The following DOCK3 variants were observed in gnomAD, a reference collection of about 807,000 sequenced individuals.
DOCK3 encodes dedicator of cytokinesis protein 3.
A neutral mutation model predicts 265.6 loss-of-function variants in DOCK3; 60 were observed. The ratio of observed to expected loss-of-function variants is 0.23; its 90% CI spans 0.18 to 0.28. The LOEUF (loss-of-function observed/expected upper bound fraction) is 0.28, where lower values mean the gene tolerates loss of function less well. Ranked by LOEUF, DOCK3 falls within the 10% of genes least tolerant of loss-of-function variation. The probability of loss-of-function intolerance (pLI) is 1.00; values close to 1 mark genes in which losing one functional copy is unlikely to be tolerated. For synonymous variants in DOCK3, 881 were observed against 938.0 expected, an observed-to-expected ratio of 0.94 and a Z score of 1.11; for missense variants, 1,981 against 2,594.3, an observed-to-expected ratio of 0.76 and a Z score of 5.14.
At chr3:50,753,475 G>A (rs1047828618) in intron 1 of DOCK3, among the ~76,000 whole-genome samples, 1 of 152,054 alleles carries the variant, frequency 6.6e-6, no homozygotes, top group Non-Finnish European at 1.5e-5. Flanking sequence ...CCCAAGTTGG[G>A]ACTATAAGTG....
chr3:50,914,313 CT>C (rs993010499), intron 4 of DOCK3, among the ~76,000 whole-genome samples: 1 of 151,874 alleles, frequency 6.6e-6, no homozygotes, highest in Non-Finnish European at 1.5e-5. Context: ...GAGCTTTCTA[CT>C]TTTTTTATAT....
rs1553618857 is a variant in DOCK3, at chr3:51,381,571, G to A, written c.*12G>A. On this transcript the variant is annotated 3_prime_UTR_variant, in exon 53 of 53. Coordinates refer to ENST00000266037, the MANE Select transcript of DOCK3 (RefSeq NM_004947.5). This position sits in a 1 kb window ranked among gnomAD's most constrained non-coding sequence, Gnocchi z 5.6. ...GAGGGGAGCAGTGAGGGGCAACGAG[G>A]CGGCTGGGATGCCGCCCTCAGTAAG... is the stretch of plus-strand genomic sequence containing the variant. 8 of 1,494,968 alleles carry A rather than the reference G, an allele frequency of 5.4e-6. No individual in the cohort carries two copies. In the South Asian group the frequency reaches 8.2e-5, roughly 15 times the overall value. 92.6% of individuals were successfully genotyped at this position (1,494,968 alleles called of 1,614,324 possible).
At chr3:50,995,523 T>C (rs772556162) in intron 5 of DOCK3, among the ~76,000 whole-genome samples, 2 of 152,046 alleles carry the variant, frequency 1.3e-5, no homozygotes, top group African/African-American at 4.8e-5. Flanking sequence ...AATGCACATA[T>C]AAAATATGGT....
chr3:51,023,462 A>G (rs2079682717), intron 5 of DOCK3, among the ~76,000 whole-genome samples: 1 of 152,008 alleles, frequency 6.6e-6, no homozygotes, highest in Non-Finnish European at 1.5e-5. Flanking sequence ...CTGTTGTGCC[A>G]TGGAGTGCAG....
chr3:50,947,860 C>CTTT (rs759293427), intron 5 of DOCK3, among the ~76,000 whole-genome samples: 2 of 133,298 alleles, frequency 1.5e-5, no homozygotes, highest in African/African-American at 2.7e-5. Flanking sequence ...TGCAGTTTTT[C>CTTT]TTTTTTTTTT....
intron 3 of DOCK3, among the ~76,000 whole-genome samples, chr3:50,878,987 G>T (rs979113372): frequency 1.3e-5 from 2 of 152,128 alleles, no homozygotes; most frequent in Non-Finnish European, 2.9e-5. Context: ...CATTCTTAAA[G>T]AAAAGAATTT....
At chr3:50,930,398 C>T (rs1575557890) in intron 4 of DOCK3, among the ~76,000 whole-genome samples, 1 of 152,242 alleles carries the variant, frequency 6.6e-6, no homozygotes, top group East Asian at 1.9e-4. Flanking sequence ...CTTCTGCCTG[C>T]TCCCTGCCCA....
At chr3:51,291,293 G>A (rs944242563) in intron 27 of DOCK3, among the ~76,000 whole-genome samples, 1 of 150,878 alleles carries the variant, frequency 6.6e-6, no homozygotes, top group Non-Finnish European at 1.5e-5. Flanking sequence ...AAAGAAATAA[G>A]AAATATCAGA....
Position 51,185,679 on chromosome 3 carries a change from G to C in DOCK3, c.1038-23095G>C, listed in dbSNP as rs141704072. On this transcript the variant is annotated intron_variant, in intron 12 of 52. Transcript: ENST00000266037. ...CATAATTCCCATGTGTTGTGGGAGG[G>C]ACCTGGTGGGAGATAATTGAATCAT... Among the ~76,000 whole-genome samples the C allele has an allele frequency of 3.8e-3, 583 of 152,262 alleles. 6 individuals are homozygous for C. The highest frequency in any genetic ancestry group is 0.013 in the African/African-American group (551 of 41,518).
At chr3:50,890,183 T>A in intron 4 of DOCK3, 102 bp downstream of exon 4, 1 of 885,246 alleles carries the variant, frequency 1.1e-6, no homozygotes, top group Non-Finnish European at 1.6e-6. Context: ...AATTGATATG[T>A]TTTCCTGGCA....
intron 1 of DOCK3, among the ~76,000 whole-genome samples, chr3:50,757,950 CA>C (rs1297171269): frequency 6.6e-6 from 1 of 151,676 alleles, no homozygotes; most frequent in Non-Finnish European, 1.5e-5. Flanking sequence ...CTGAGGCGGG[CA>C]GATCACGAGG....
Position 51,271,005 on chromosome 3 carries a change from C to T in DOCK3, c.2546C>T (p.Ser849Leu). The T allele has an allele frequency of 6.2e-7, 1 of 1,611,300 alleles. No homozygotes were observed. The highest frequency in any genetic ancestry group is 1.3e-5 in the African/African-American group (1 of 74,996). The change falls in exon 24 of 53, where the codon TCA (serine) becomes TTA (leucine). Residue 849 changes from serine (S) to leucine (L), a missense_variant and splice_region_variant. This residue lies in a region of DOCK3 where 1,357 missense variants were observed against 1,866.8 expected (regional missense o/e 0.73). Transcript: ENST00000266037. ...RTVDSRLFSF[S>L]ESRRILLPVV... is the part of the protein sequence containing the mutation. ...GTGGATAGCCGCCTGTTTTCTTTCTCAGGTAAATCAAGTTGGGATGAGAGT... is the reference window on the plus strand; with the variant it reads ...GTGGATAGCCGCCTGTTTTCTTTCTTAGGTAAATCAAGTTGGGATGAGAGT...
chr3:51,346,139 G>A (rs974284130), intron 38 of DOCK3, among the ~76,000 whole-genome samples: 1 of 151,966 alleles, frequency 6.6e-6, no homozygotes, highest in Non-Finnish European at 1.5e-5. Flanking sequence ...ACCAAAAGAG[G>A]TATATATATT....
intron 4 of DOCK3, among the ~76,000 whole-genome samples, chr3:50,907,616 C>G (rs1428340963): frequency 1.3e-5 from 2 of 152,054 alleles, no homozygotes; most frequent in Non-Finnish European, 2.9e-5. Flanking sequence ...GTAGATCTTC[C>G]TCCATCCCTT....
At chr3:50,796,008 G>A (rs114563188) in intron 2 of DOCK3, among the ~76,000 whole-genome samples, 1 of 151,252 alleles carries the variant, frequency 6.6e-6, no homozygotes, top group African/African-American at 2.4e-5. Flanking sequence ...CCATCTGAGC[G>A]CCATTGGGAA....
Position 51,039,005 on chromosome 3 carries a change from A to ATTG in DOCK3, c.316-25441_316-25440insGTT, listed in dbSNP as rs373217046. On this transcript the variant is annotated intron_variant, in intron 5 of 52. Transcript: ENST00000266037. ...CATATTATTTAATTTTATTATTATT[A>ATTG]TTATTTTTGAGATGGAGTCTCGCTC... 7.7e-3 allele frequency among the ~76,000 whole-genome samples: 1,168 copies of ATTG among 151,790 alleles called. 10 individuals are homozygous for ATTG. Among genetic ancestry groups the ATTG allele is most frequent in the Non-Finnish European group, 0.012 (819 of 67,924 alleles).
chr3:50,726,493 C>T (rs113791444), intron 1 of DOCK3, among the ~76,000 whole-genome samples: 15 of 152,262 alleles, frequency 9.9e-5, no homozygotes, highest in African/African-American at 2.4e-4. Flanking sequence ...ACTGATCTTC[C>T]GGCTCTGTGT....
intron 26 of DOCK3, chr3:51,278,211 T>C (rs1012794951): frequency 6.7e-5 from 66 of 985,292 alleles, no homozygotes; most frequent in Non-Finnish European, 7.7e-5. Flanking sequence ...TGTATCTAAA[T>C]TTTTAGCATT....
intron 1 of DOCK3, among the ~76,000 whole-genome samples, chr3:50,761,219 C>T (rs2040513056): frequency 1.3e-5 from 2 of 151,896 alleles, no homozygotes; most frequent in African/African-American, 4.8e-5. Context: ...CTCTAAATTC[C>T]TTAGCATAAT....
Sources: gnomAD v4.1 joint callset for allele counts (sites outside exome capture counted in the v4.1 genomes callset) on GRCh38, gnomAD v4.1.1 for gene constraint, gnomAD v4.1.1 regional missense constraint, Gnocchi (gnomAD v3.1) non-coding constraint, MANE v1.5 for transcripts, NCBI Gene and HGNC (gene_info 2026-07-23, HGNC 2026-07-21) for gene names.